Variants in TAF4 observed in about 807,000 individuals in gnomAD.
TAF4 encodes the protein transcription initiation factor TFIID subunit 4.
Under a neutral mutation model 90.3 loss-of-function variants are expected in TAF4, and 9 were observed. That is an observed-to-expected ratio of 0.10 (90% CI 0.06 to 0.17). The LOEUF is 0.17. Ranked by LOEUF, TAF4 falls within the 10% of genes least tolerant of loss-of-function variation. The pLI is 1.00. For synonymous variants in TAF4, 818 were observed against 638.9 expected (o/e 1.28, Z -4.23); for missense variants, 1,351 against 1,370.7 (o/e 0.99, Z 0.23).
At chr20:62,044,355 T>C (rs1340559206) in intron 1 of TAF4, among the ~76,000 whole-genome samples, 1 of 152,236 alleles carries the variant, frequency 6.6e-6, no homozygotes, top group Non-Finnish European at 1.5e-5. Flanking sequence ...AGAATATATG[T>C]GTGTATGCAT....
At chr20:61,996,389 A>C (rs1010392411) in intron 14 of TAF4, among the ~76,000 whole-genome samples, 3 of 152,174 alleles carry the variant, frequency 2.0e-5, no homozygotes, top group Non-Finnish European at 1.5e-5. Flanking sequence ...CGTCTAAAAA[A>C]ATTAAAAATT....
chr20:61,992,023 C>T (rs1346251116), intron 14 of TAF4, among the ~76,000 whole-genome samples: 2 of 152,172 alleles, frequency 1.3e-5, no homozygotes, highest in East Asian at 3.8e-4. Context: ...AACAGACCTT[C>T]AGGTACAAAG....
At chr20:62,062,699 G>C (rs2056096064) in intron 1 of TAF4, among the ~76,000 whole-genome samples, 1 of 152,188 alleles carries the variant, frequency 6.6e-6, no homozygotes, top group African/African-American at 2.4e-5. Context: ...GAAGATGGAA[G>C]TGAGTCCCAG....
At chr20:62,013,748 AACACGCAGCGT>A (rs1283308620) in intron 2 of TAF4, among the ~76,000 whole-genome samples, 4 of 152,232 alleles carry the variant, frequency 2.6e-5, no homozygotes, top group African/African-American at 9.6e-5. Flanking sequence ...ACGGGGCAGG[AACACGCAGCGT>A]GCGGGCACGT....
chr20:61,990,050 C>T (rs1053305557), intron 14 of TAF4, among the ~76,000 whole-genome samples: 1 of 152,186 alleles, frequency 6.6e-6, no homozygotes, highest in African/African-American at 2.4e-5. Flanking sequence ...TGGAGAAACA[C>T]AGCCCACAGC....
At position 62,064,473 on chromosome 20, in the gene TAF4, G is replaced by C. The variant is rs2056109832; in HGVS notation, c.1338C>G (p.Ile446Met). The change falls in exon 1 of 15, where the codon ATC becomes ATG. Residue 446 changes from isoleucine (I) to methionine (M), a missense_variant. Around this residue, in one of 9 missense-constraint regions of TAF4, gnomAD observed 782 missense variants for 536.6 expected, o/e 1.46. Coordinates refer to ENST00000252996, the MANE Select transcript of TAF4 (RefSeq NM_003185.4). Reference sequence around the variant, plus strand: ...CACCTGGGGGCAGCTGGAAGTTCTGGATGTTGGTCGGGTTCTGAGGCGGCT... The same window carrying C: ...CACCTGGGGGCAGCTGGAAGTTCTGCATGTTGGTCGGGTTCTGAGGCGGCT... The part of the protein sequence containing the change: ...LPQPPQNPTN[I>M]QNFQLPPGMV... The C allele has an allele frequency of 2.0e-6, 3 of 1,488,514 alleles. No homozygotes were observed. The highest frequency in any genetic ancestry group is 2.9e-5 in the African/African-American group (2 of 70,150). The allele number at this position is 1,488,514 out of a possible 1,614,324, so 92.2% of individuals were successfully genotyped here.
chr20:61,997,794 G>T, intron 13 of TAF4, 125 bp from the exon 14 acceptor site: 1 of 1,263,108 alleles, frequency 7.9e-7, no homozygotes, highest in South Asian at 1.8e-5. Flanking sequence ...TTAATGTTTT[G>T]ACTTTCTCAA....
chr20:61,995,355 A>G (rs1568925522), intron 14 of TAF4, among the ~76,000 whole-genome samples: 2 of 152,390 alleles, frequency 1.3e-5, no homozygotes, highest in East Asian at 3.9e-4. Flanking sequence ...GAATTGCAAA[A>G]TAAGTTAACA....
intron 1 of TAF4, among the ~76,000 whole-genome samples, chr20:62,023,923 A>C (rs2055859847): frequency 6.6e-6 from 1 of 151,888 alleles, no homozygotes; most frequent in Non-Finnish European, 1.5e-5. Flanking sequence ...TCTCTACTAA[A>C]AATACAAAAA....
chr20:62,025,054 G>A (rs1479964080), intron 1 of TAF4, among the ~76,000 whole-genome samples: 2 of 152,318 alleles, frequency 1.3e-5, no homozygotes, highest in East Asian at 1.9e-4. Flanking sequence ...GTGCTCTCCA[G>A]GATGTGGAGC....
chr20:62,043,174 G>A (rs1315944211), intron 1 of TAF4, among the ~76,000 whole-genome samples: 1 of 152,004 alleles, frequency 6.6e-6, no homozygotes, highest in African/African-American at 2.4e-5. Context: ...AAATTAGCCC[G>A]GCATGGTGGC....
At chr20:61,982,196 C>T (rs1156908425) in intron 14 of TAF4, among the ~76,000 whole-genome samples, 47 of 430 alleles carry the variant, frequency 0.11, no homozygotes, top group Middle Eastern at 0.5. Context: ...AAACCCACAC[C>T]CCACCCGAGA....
chr20:62,007,946 G>A (rs934914135), intron 5 of TAF4: 2 of 225,322 alleles, frequency 8.9e-6, no homozygotes, highest in South Asian at 7.3e-5. Context: ...GCACCTACTC[G>A]GTGTCAGGCA....
At chr20:62,036,035 A>T (rs4925217) in intron 1 of TAF4, among the ~76,000 whole-genome samples, 79,361 of 139,950 alleles carry the variant, frequency 0.57, 21,377 homozygotes, top group Middle Eastern at 0.67. Flanking sequence ...TTTTTTTTTT[A>T]AAAAAAAAAA....
In TAF4 at chr20:61,995,839, C is replaced by T. The variant is rs1195198901; in HGVS notation, c.3090+1711G>A. The stretch of plus-strand genomic sequence containing the variant: ...GATTGCGCCACTGCAGTCCGCAGTC[C>T]GGCCTGGGCGACAGAGCGAGACTCC... On this transcript the variant is annotated intron_variant, in intron 14 of 14. Transcript: ENST00000252996. Among the ~76,000 whole-genome samples, 2 of 13,258 alleles carry T rather than the reference C, an allele frequency of 1.5e-4. 1 individual carries two copies. Among genetic ancestry groups the T allele is most frequent in the African/African-American group, 1.2e-3 (2 of 1,656 alleles). The allele number at this position is 13,258 out of a possible 152,430, so 8.7% of individuals were successfully genotyped here. A position where few individuals can be genotyped will look rare whatever the true frequency, so the allele number is the denominator to read the frequency against.
intron 1 of TAF4, chr20:62,038,099 G>C (rs1193733640): frequency 3.9e-5 from 6 of 152,240 alleles, no homozygotes; most frequent in Non-Finnish European, 7.3e-5. Context: ...CGCGATCTCG[G>C]CTCACAGCAA....
intron 11 of TAF4, 74 bp downstream of exon 11, chr20:62,000,050 G>A (rs2055689300): frequency 6.2e-7 from 1 of 1,606,222 alleles, no homozygotes. Flanking sequence ...CTCGGTGTGG[G>A]GAGGAGGCTC....
intron 14 of TAF4, among the ~76,000 whole-genome samples, chr20:61,988,019 C>T (rs2055605022): frequency 6.6e-6 from 1 of 152,156 alleles, no homozygotes; most frequent in African/African-American, 2.4e-5. Context: ...AAAGGCGAAA[C>T]TAGGAGACAA....
chr20:62,016,770 A>G (rs1396586783), intron 1 of TAF4, among the ~76,000 whole-genome samples: 1 of 152,170 alleles, frequency 6.6e-6, no homozygotes, highest in Admixed American at 6.5e-5. Flanking sequence ...CCTTTAGAGT[A>G]CGCTAATACA....
Sources: allele counts gnomAD v4.1 joint callset (sites outside exome capture counted in the v4.1 genomes callset), GRCh38; gene constraint gnomAD v4.1.1; regional missense constraint gnomAD v4.1.1; transcripts MANE v1.5; gene names NCBI Gene and HGNC (gene_info 2026-07-23, HGNC 2026-07-21).